Variants in SCOC observed in about 807,000 individuals in gnomAD.
The protein encoded by SCOC is short coiled-coil protein, also known as short coiled coil protein.
In SCOC, 7 loss-of-function variants were observed where a neutral mutation model predicts 9.9. The observed-to-expected ratio is 0.71, with a 90% CI of 0.40 to 1.33. The LOEUF (loss-of-function observed/expected upper bound fraction) is 1.33, where lower values mean the gene tolerates loss of function less well. SCOC is among the 40% of genes most tolerant of loss of function. The pLI, the probability that SCOC is intolerant of heterozygous loss-of-function variation, is 0.01. For missense variants in SCOC, 66 were observed against 89.7 expected, an observed-to-expected ratio of 0.74 and a Z score of 1.07; for synonymous variants, 19 against 28.2, an observed-to-expected ratio of 0.67 and a Z score of 1.03.
chr4:140,345,834 T>C (rs1203838895), intron 2 of SCOC, among the ~76,000 whole-genome samples: 1 of 152,172 alleles, frequency 6.6e-6, no homozygotes, highest in Non-Finnish European at 1.5e-5. Flanking sequence ...CCAGACTACC[T>C]AGAAAGGAAG....
intron 2 of SCOC, among the ~76,000 whole-genome samples, chr4:140,348,744 T>C (rs2126523504): frequency 6.6e-6 from 1 of 151,932 alleles, no homozygotes; most frequent in South Asian, 2.1e-4. Context: ...GTGGGAGTGC[T>C]GGATCATATG....
intron 1 of SCOC, among the ~76,000 whole-genome samples, chr4:140,303,637 T>C (rs1044425616): frequency 2.6e-5 from 4 of 152,162 alleles, no homozygotes; most frequent in Non-Finnish European, 5.9e-5. Flanking sequence ...TATAGAAAGT[T>C]CTGAGTTCCT....
chr4:140,365,172 CAAAAAA>C (rs3034544), intron 2 of SCOC, among the ~76,000 whole-genome samples: 2 of 141,582 alleles, frequency 1.4e-5, no homozygotes, highest in African/African-American at 5.3e-5. Context: ...ATGGATATGG[CAAAAAA>C]AAAAAAAAAG....
At chr4:140,362,301 T>TCCTCTTCCTC in intron 2 of SCOC, among the ~76,000 whole-genome samples, 3 of 29,408 alleles carry the variant, frequency 1.0e-4, no homozygotes, top group Non-Finnish European at 1.5e-4. Context: ...TTCTTCTTCT[T>TCCTCTTCCTC]TTTTTTTTTT....
At chr4:140,361,404 T>C (rs941059923) in intron 2 of SCOC, among the ~76,000 whole-genome samples, 9 of 152,192 alleles carry the variant, frequency 5.9e-5, no homozygotes, top group South Asian at 2.1e-4. Context: ...TGGCTCACAC[T>C]TGTGATCTCA....
At chr4:140,271,899 C>A (rs1339463364) in intron 1 of SCOC, among the ~76,000 whole-genome samples, 1 of 152,146 alleles carries the variant, frequency 6.6e-6, no homozygotes, top group Non-Finnish European at 1.5e-5. Context: ...GGCGTCTGTG[C>A]AGCCCAGCCT....
At chr4:140,278,520 C>T (rs934221087) in intron 1 of SCOC, among the ~76,000 whole-genome samples, 1 of 152,068 alleles carries the variant, frequency 6.6e-6, no homozygotes, top group Non-Finnish European at 1.5e-5. Context: ...AGGATGGTCT[C>T]GATCTCCTGA....
At chr4:140,343,446 T>G (rs886172965) in exon 1 of SCOC, 1 of 502,894 alleles carries the variant, frequency 2.0e-6, no homozygotes, top group African/African-American at 1.9e-5. Flanking sequence ...TCCTACCACT[T>G]CCGGTTAAGA....
At chr4:140,354,005 G>A (rs924626597) in intron 2 of SCOC, among the ~76,000 whole-genome samples, 2 of 152,194 alleles carry the variant, frequency 1.3e-5, no homozygotes, top group East Asian at 3.8e-4. Flanking sequence ...GTAGTGTGAC[G>A]TTAGTAAAAG....
chr4:140,324,264 A>T (rs556929431), intron 1 of SCOC, among the ~76,000 whole-genome samples: 8 of 152,290 alleles, frequency 5.3e-5, no homozygotes, highest in Non-Finnish European at 1.2e-4. Context: ...AGAGTAAAAT[A>T]CTGAATGTTT....
chr4:140,295,538 A>G (rs530296472), intron 1 of SCOC, among the ~76,000 whole-genome samples: 1 of 152,304 alleles, frequency 6.6e-6, no homozygotes, highest in Admixed American at 6.5e-5. Flanking sequence ...CAAGGGCTGA[A>G]AGACAGAAAG....
intron 1 of SCOC, among the ~76,000 whole-genome samples, chr4:140,326,162 G>A (rs1732638781): frequency 6.6e-6 from 1 of 152,174 alleles, no homozygotes; most frequent in African/African-American, 2.4e-5. Context: ...TGGTTCAGTG[G>A]TTAGCAGGGT....
intron 2 of SCOC, among the ~76,000 whole-genome samples, chr4:140,364,209 T>C (rs1378608438): frequency 3.3e-5 from 5 of 151,914 alleles, no homozygotes; most frequent in African/African-American, 1.2e-4. Flanking sequence ...GTGATGTGAT[T>C]TGAGAAAAAG....
chr4:140,295,820 G>A (rs1173392547), intron 1 of SCOC, among the ~76,000 whole-genome samples: 9 of 151,652 alleles, frequency 5.9e-5, no homozygotes, highest in Admixed American at 1.3e-4. Context: ...AGTCCCAGCT[G>A]CTGGGGAGGC....
intron 2 of SCOC, among the ~76,000 whole-genome samples, chr4:140,348,741 T>A (rs1263251582): frequency 6.6e-6 from 1 of 151,838 alleles, no homozygotes; most frequent in Non-Finnish European, 1.5e-5. Flanking sequence ...GTAGTGGGAG[T>A]GCTGGATCAT....
upstream of SCOC, among the ~76,000 whole-genome samples, chr4:140,372,415 C>A (rs1728094382): frequency 6.6e-6 from 1 of 152,342 alleles, no homozygotes; most frequent in Non-Finnish European, 1.5e-5. Context: ...ATAAGTACTT[C>A]TTGAATCTGA....
chr4:140,374,106 C>G (rs1464657029), intron 1 of SCOC: 7 of 469,316 alleles, frequency 1.5e-5, no homozygotes, highest in Non-Finnish European at 3.0e-5. Context: ...TGGACCTTCC[C>G]GTGGCTGCTC....
At chr4:140,375,440 G>A (rs567338620) in intron 1 of SCOC, among the ~76,000 whole-genome samples, 30 of 152,284 alleles carry the variant, frequency 2.0e-4, no homozygotes, top group African/African-American at 7.2e-4. Flanking sequence ...CCTTGCCCAG[G>A]GTTCCAGAGC....
intron 2 of SCOC, among the ~76,000 whole-genome samples, chr4:140,363,910 G>C (rs1172422565): frequency 6.6e-6 from 1 of 152,206 alleles, no homozygotes; most frequent in Non-Finnish European, 1.5e-5. Context: ...GATGCTGGAA[G>C]TGCTCCCAAG....
Sources: allele counts gnomAD v4.1 joint callset (sites outside exome capture counted in the v4.1 genomes callset), GRCh38; gene constraint gnomAD v4.1.1; transcripts MANE v1.5; gene names NCBI Gene and HGNC (gene_info 2026-07-23, HGNC 2026-07-21).